Variants in KANSL1 observed in about 807,000 individuals in gnomAD.
KANSL1 encodes the protein MLL1/MLL complex subunit KANSL1.
In KANSL1, 22 loss-of-function variants were observed where a neutral mutation model predicts 103.6. The observed-to-expected ratio is 0.21, with a 90% CI of 0.15 to 0.30. The LOEUF (loss-of-function observed/expected upper bound fraction) is 0.30, where lower values mean the gene tolerates loss of function less well. Ranked by LOEUF, KANSL1 falls within the 10% of genes least tolerant of loss-of-function variation. KANSL1 has a pLI of 1.00. For missense variants in KANSL1, 1,337 were observed against 1,399.8 expected (o/e 0.96, Z 0.72); for synonymous variants, 600 against 527.6 (o/e 1.14, Z -1.88).
intron 4 of KANSL1, among the ~76,000 whole-genome samples, chr17:46,080,659 C>G (rs1020151373): frequency 2.0e-5 from 3 of 152,138 alleles, no homozygotes; most frequent in Non-Finnish European, 4.4e-5. Flanking sequence ...GCTCTGCGCC[C>G]ATTCTACTAA....
intron 3 of KANSL1, chr17:46,092,896 T>C (rs2079466095): frequency 1.3e-5 from 2 of 152,198 alleles, no homozygotes; most frequent in Non-Finnish European, 2.9e-5. Flanking sequence ...AATTTCTTTG[T>C]CGTACTTAAA....
At chr17:46,127,095 T>C (rs1371432705) in intron 2 of KANSL1, among the ~76,000 whole-genome samples, 1 of 152,216 alleles carries the variant, frequency 6.6e-6, no homozygotes, top group Non-Finnish European at 1.5e-5. Flanking sequence ...ATAACAATCA[T>C]ATTTAAATAA....
At chr17:46,224,749 G>A (rs540100332), upstream of KANSL1, 2 of 147,522 alleles carry the variant, frequency 1.4e-5, no homozygotes, top group South Asian at 2.1e-4. Context: ...GGAGCGGAGA[G>A]GCGAGAGCCC....
At position 46,072,445 on chromosome 17, in the gene KANSL1, G is replaced by T. The variant is rs186198334; in HGVS notation, c.1534-4778C>A. Among the ~76,000 whole-genome samples, 4 of 152,212 alleles carry T rather than the reference G, an allele frequency of 2.6e-5. No individual in the cohort carries two copies. The East Asian group carries it at 7.8e-4, about 29-fold the overall frequency. Reference sequence around the variant, plus strand: ...TTTCTGACAAACATTAAAATGGAAAGAAAATGCTAACTGGGTGACAGGAAT... The same window carrying T: ...TTTCTGACAAACATTAAAATGGAAATAAAATGCTAACTGGGTGACAGGAAT... On this transcript the variant is annotated intron_variant, in intron 4 of 14. Coordinates refer to ENST00000432791, the MANE Select transcript of KANSL1 (RefSeq NM_015443.4).
At chr17:46,179,648 T>C (rs1344960488) in intron 1 of KANSL1, among the ~76,000 whole-genome samples, 4 of 152,336 alleles carry the variant, frequency 2.6e-5, no homozygotes, top group South Asian at 2.1e-4. Context: ...ACTTGAAAAT[T>C]AGCTAAAATG....
intron 2 of KANSL1, among the ~76,000 whole-genome samples, chr17:46,122,649 T>G (rs62061856): frequency 6.6e-6 from 1 of 152,106 alleles, no homozygotes; most frequent in African/African-American, 2.4e-5. Flanking sequence ...ATGGCAACCC[T>G]GCATCAAGCA....
At chr17:46,098,924 T>C (rs983342060) in intron 2 of KANSL1, among the ~76,000 whole-genome samples, 1 of 152,222 alleles carries the variant, frequency 6.6e-6, no homozygotes, top group Non-Finnish European at 1.5e-5. Context: ...GGTGTACAGT[T>C]AACAAGTCTG....
Position 46,111,111 on chromosome 17 carries a change from T to A in KANSL1, c.1290-16410A>T, listed in dbSNP as rs17577159. 1.3e-5 allele frequency among the ~76,000 whole-genome samples: 2 copies of A among 152,192 alleles called. 1 individual carries two copies. Among genetic ancestry groups the A allele is most frequent in the Non-Finnish European group, 2.9e-5 (2 of 68,026 alleles). ...GCAGTTATTTTACGTCTGATGCATT[T>A]CTTAAGCGGTTTTAAAGAAGGGCAT... On this transcript the variant is annotated intron_variant, in intron 2 of 14. Coordinates refer to ENST00000432791, the MANE Select transcript of KANSL1 (RefSeq NM_015443.4).
intron 1 of KANSL1, among the ~76,000 whole-genome samples, chr17:46,178,166 T>C (rs2532255): frequency 0.14 from 21,954 of 152,030 alleles, 2,138 homozygotes; most frequent in Non-Finnish European, 0.22. Flanking sequence ...CTTCAATCTT[T>C]GACAATGTAA....
chr17:46,173,601 C>A (rs1567767349), intron 1 of KANSL1, among the ~76,000 whole-genome samples: 1 of 152,210 alleles, frequency 6.6e-6, no homozygotes, highest in Non-Finnish European at 1.5e-5. Context: ...CATAGCAATA[C>A]TAGAATATTA....
At chr17:46,096,392 TCA>T (rs2042085161) in intron 2 of KANSL1, among the ~76,000 whole-genome samples, 1 of 146,750 alleles carries the variant, frequency 6.8e-6, no homozygotes, top group African/African-American at 2.6e-5. Flanking sequence ...CAATCTTGGC[TCA>T]CCACCAACCT....
At chr17:46,111,480 G>A (rs1291389819) in intron 2 of KANSL1, among the ~76,000 whole-genome samples, 1 of 152,188 alleles carries the variant, frequency 6.6e-6, no homozygotes, top group East Asian at 1.9e-4. Flanking sequence ...AAAGTGCTGG[G>A]ATTACAGGCA....
chr17:46,146,525 C>T (rs2044709980), intron 2 of KANSL1, among the ~76,000 whole-genome samples: 1 of 152,206 alleles, frequency 6.6e-6, no homozygotes, highest in African/African-American at 2.4e-5. Flanking sequence ...CTGAAAAATT[C>T]TGTATGTGTC....
At chr17:46,050,246 C>A (rs1055029621) in intron 7 of KANSL1, 3 of 430,964 alleles carry the variant, frequency 7.0e-6, no homozygotes, top group African/African-American at 2.0e-5. Flanking sequence ...ATATACTAAG[C>A]GTATTTTGGA....
At chr17:46,038,028 C>G (rs2077199862) in intron 10 of KANSL1, 1 of 154,114 alleles carries the variant, frequency 6.5e-6, no homozygotes, top group South Asian at 2.1e-4. Context: ...ACTCTGCCTT[C>G]TCCCTTCCCT....
chr17:46,173,512 T>C (rs924509903), intron 1 of KANSL1, among the ~76,000 whole-genome samples: 2 of 152,226 alleles, frequency 1.3e-5, no homozygotes, highest in Admixed American at 6.5e-5. Context: ...ACTAAGCCAG[T>C]TGTTCTTTAA....
chr17:46,145,758 ACT>A (rs1332485227), intron 2 of KANSL1, among the ~76,000 whole-genome samples: 2 of 151,850 alleles, frequency 1.3e-5, no homozygotes, highest in African/African-American at 4.8e-5. Flanking sequence ...GAGAGGAGTG[ACT>A]CTCTGTCACC....
chr17:46,206,989 A>T (rs1031890468), intron 1 of KANSL1, among the ~76,000 whole-genome samples: 2 of 152,240 alleles, frequency 1.3e-5, no homozygotes, highest in African/African-American at 4.8e-5. Flanking sequence ...ATCCAATTTT[A>T]AAATGGGCAA....
intron 2 of KANSL1, among the ~76,000 whole-genome samples, chr17:46,158,361 G>T (rs2045543023): frequency 6.7e-6 from 1 of 149,278 alleles, no homozygotes. Context: ...TTCCATTAGA[G>T]ACTTTTTTTT....
Sources: gnomAD v4.1 joint callset for allele counts (sites outside exome capture counted in the v4.1 genomes callset) on GRCh38, gnomAD v4.1.1 for gene constraint, MANE v1.5 for transcripts, NCBI Gene and HGNC (gene_info 2026-07-23, HGNC 2026-07-21) for gene names.